MYO5A: variants seen among roughly 807,000 people sequenced by gnomAD.
MYO5A encodes unconventional myosin-Va.
MYO5A carries 98 observed loss-of-function variants against 249.7 expected under a neutral mutation model. That is an observed-to-expected ratio of 0.39 (90% CI 0.33 to 0.46). The LOEUF is 0.46. MYO5A is among the 20% of genes least tolerant of loss of function. The pLI, the probability that MYO5A is intolerant of heterozygous loss-of-function variation, is 0.98. For synonymous variants in MYO5A, 778 were observed against 810.6 expected (o/e 0.96, Z 0.68); for missense variants, 1,696 against 2,308.8 (o/e 0.73, Z 5.44).
chr15:52,495,478 T>C (rs1451529713), intron 1 of MYO5A, among the ~76,000 whole-genome samples: 3 of 146,194 alleles, frequency 2.1e-5, no homozygotes, highest in African/African-American at 7.9e-5. Context: ...AGATCTATTG[T>C]ACTTCATGAT....
intron 18 of MYO5A, among the ~76,000 whole-genome samples, chr15:52,379,420 G>T (rs915322995): frequency 6.6e-6 from 1 of 152,102 alleles, no homozygotes; most frequent in Admixed American, 6.5e-5. Context: ...TTCAAATGTG[G>T]GTCCAGGCCT....
intron 37 of MYO5A, among the ~76,000 whole-genome samples, chr15:52,322,903 C>T (rs1017524162): frequency 6.6e-6 from 1 of 151,492 alleles, no homozygotes; most frequent in African/African-American, 2.4e-5. Context: ...CATATGCATA[C>T]ATGTGCCATG....
At chr15:52,347,304 C>T (rs548859293) in intron 29 of MYO5A, among the ~76,000 whole-genome samples, 2 of 152,110 alleles carry the variant, frequency 1.3e-5, no homozygotes, top group Non-Finnish European at 2.9e-5. Context: ...TGTAACAAAC[C>T]TGTATATTCA....
At chr15:52,487,761 C>A (rs2076853314) in intron 1 of MYO5A, among the ~76,000 whole-genome samples, 1 of 151,698 alleles carries the variant, frequency 6.6e-6, no homozygotes, top group Non-Finnish European at 1.5e-5. Context: ...TATGACATTT[C>A]CTGGTTTCAA....
chr15:52,344,954 T>C (rs1395565292), intron 30 of MYO5A, among the ~76,000 whole-genome samples: 2 of 152,230 alleles, frequency 1.3e-5, no homozygotes, highest in Admixed American at 6.5e-5. Flanking sequence ...CATTCTTAGA[T>C]ATAACATATG....
intron 40 of MYO5A, among the ~76,000 whole-genome samples, chr15:52,314,754 T>G (rs2140908146): frequency 6.6e-6 from 1 of 152,228 alleles, no homozygotes; most frequent in Admixed American, 6.5e-5. Flanking sequence ...AATTAGAGAG[T>G]ATGAAGTTCT....
At chr15:52,401,968 C>T (rs2042778117) in intron 9 of MYO5A, among the ~76,000 whole-genome samples, 1 of 152,290 alleles carries the variant, frequency 6.6e-6, no homozygotes, top group Non-Finnish European at 1.5e-5. Flanking sequence ...GCAGGTATGA[C>T]TCTGCTATCT....
chr15:52,408,264 T>C, intron 6 of MYO5A, 124 bp from the exon 7 acceptor site: 1 of 644,152 alleles, frequency 1.6e-6, no homozygotes, highest in Non-Finnish European at 2.7e-6. Context: ...TTTCCTATAT[T>C]TCCTAATACT....
intron 34 of MYO5A, 143 bp from the exon 35 acceptor site, chr15:52,330,642 T>C (rs1350086787): frequency 1.0e-6 from 1 of 972,474 alleles, no homozygotes; most frequent in Non-Finnish European, 1.5e-6. Flanking sequence ...CTTAAAATAA[T>C]TTTTTTCTGT....
At chr15:52,402,339 G>A (rs2042797159) in intron 9 of MYO5A, among the ~76,000 whole-genome samples, 1 of 152,132 alleles carries the variant, frequency 6.6e-6, no homozygotes, top group South Asian at 2.1e-4. Flanking sequence ...TACTCTTGGA[G>A]TGGGTGGTGG....
intron 1 of MYO5A, among the ~76,000 whole-genome samples, chr15:52,478,899 G>C (rs2076656957): frequency 6.6e-6 from 1 of 152,122 alleles, no homozygotes; most frequent in South Asian, 2.1e-4. Flanking sequence ...GTGTACTGCA[G>C]TTAATTTTGT....
intron 31 of MYO5A, among the ~76,000 whole-genome samples, chr15:52,342,648 C>T (rs11858549): frequency 2.6e-5 from 4 of 152,112 alleles, no homozygotes; most frequent in Non-Finnish European, 4.4e-5. Flanking sequence ...GGTGTGGTGG[C>T]TGACGCCTGT....
intron 4 of MYO5A, among the ~76,000 whole-genome samples, chr15:52,420,458 C>G (rs2043733515): frequency 6.6e-6 from 1 of 152,016 alleles, no homozygotes; most frequent in South Asian, 2.1e-4. Flanking sequence ...CTTACATGCT[C>G]TCTTCCCTTC....
intron 14 of MYO5A, 109 bp from the exon 15 acceptor site, chr15:52,384,431 G>C: frequency 9.0e-7 from 1 of 1,111,722 alleles, no homozygotes; most frequent in Non-Finnish European, 1.3e-6. Context: ...CACTGTCAGA[G>C]TCACACTCCA....
chr15:52,442,634 C>A (rs2075805971), intron 1 of MYO5A, among the ~76,000 whole-genome samples: 1 of 152,134 alleles, frequency 6.6e-6, no homozygotes, highest in African/African-American at 2.4e-5. Context: ...CCAGTACTAA[C>A]CCATTTTAAC....
chr15:52,344,884 T>C (rs1349100285), intron 30 of MYO5A, among the ~76,000 whole-genome samples: 3 of 152,268 alleles, frequency 2.0e-5, no homozygotes, highest in Non-Finnish European at 2.9e-5. Context: ...ACACTGGTGA[T>C]AGAATAGCTA....
At chr15:52,516,660 G>A (rs1337627140) in intron 1 of MYO5A, among the ~76,000 whole-genome samples, 2 of 152,086 alleles carry the variant, frequency 1.3e-5, no homozygotes, top group Non-Finnish European at 2.9e-5. Flanking sequence ...ATTCTATAAC[G>A]CTCCTTTAGC....
At chr15:52,438,867 A>G (rs951072014) in intron 1 of MYO5A, among the ~76,000 whole-genome samples, 1 of 152,082 alleles carries the variant, frequency 6.6e-6, no homozygotes, top group African/African-American at 2.4e-5. Flanking sequence ...GCCGTCCACC[A>G]CTGCTGTTTG....
At chr15:52,378,531 A>AAAAAAAAAAAAAAAAAAAAAAAAAAAAAT in intron 18 of MYO5A, among the ~76,000 whole-genome samples, 1 of 139,720 alleles carries the variant, frequency 7.2e-6, no homozygotes, top group South Asian at 2.4e-4. Flanking sequence ...AAAAAAAAAA[A>AAAAAAAAAAAAAAAAAAAAAAAAAAAAAT]GAAGGGAATT....
Sources: allele counts gnomAD v4.1 joint callset (sites outside exome capture counted in the v4.1 genomes callset), GRCh38; gene constraint gnomAD v4.1.1; transcripts MANE v1.5; gene names NCBI Gene and HGNC (gene_info 2026-07-23, HGNC 2026-07-21).